MIPOL1: variants seen among roughly 807,000 people sequenced by gnomAD.
MIPOL1 encodes the protein mirror-image polydactyly 1.
A neutral mutation model predicts 60.9 loss-of-function variants in MIPOL1; 57 were observed. The observed-to-expected ratio is 0.94, with a 90% confidence interval of 0.76 to 1.17. The LOEUF is 1.17. Ranked by LOEUF, MIPOL1 falls within the 50% of genes most tolerant of loss-of-function variation. MIPOL1 has a pLI of 0.00. For missense variants in MIPOL1, 551 were observed against 511.6 expected, an observed-to-expected ratio of 1.08 and a Z score of -0.74; for synonymous variants, 179 against 168.8, an observed-to-expected ratio of 1.06 and a Z score of -0.47.
chr14:37,280,517 G>A (rs989552835), intron 6 of MIPOL1, among the ~76,000 whole-genome samples: 3 of 152,172 alleles, frequency 2.0e-5, no homozygotes, highest in Non-Finnish European at 4.4e-5. Flanking sequence ...CCAATCTAAC[G>A]GGTGAGATGA....
intron 10 of MIPOL1, among the ~76,000 whole-genome samples, chr14:37,421,070 A>G (rs916715413): frequency 6.6e-6 from 1 of 152,164 alleles, no homozygotes; most frequent in Non-Finnish European, 1.5e-5. Flanking sequence ...TTCATAGTCA[A>G]CTAAGTGTGG....
At chr14:37,353,224 A>G (rs1204985670) in intron 9 of MIPOL1, among the ~76,000 whole-genome samples, 33 of 145,264 alleles carry the variant, frequency 2.3e-4, no homozygotes, top group African/African-American at 8.0e-4. Flanking sequence ...ATTTGTGTAT[A>G]TTGAACCAGC....
chr14:37,403,174 G>A (rs531359500), intron 10 of MIPOL1, among the ~76,000 whole-genome samples: 2 of 152,076 alleles, frequency 1.3e-5, no homozygotes, highest in African/African-American at 2.4e-5. Flanking sequence ...TGGCCTAATA[G>A]AGATTTTCAA....
At chr14:37,388,813 G>A (rs998476960) in intron 10 of MIPOL1, among the ~76,000 whole-genome samples, 13 of 151,966 alleles carry the variant, frequency 8.6e-5, no homozygotes, top group African/African-American at 3.1e-4. Flanking sequence ...GTGTGTAATA[G>A]TAGCTCATTT....
intron 12 of MIPOL1, among the ~76,000 whole-genome samples, chr14:37,516,315 C>A (rs990775778): frequency 6.6e-6 from 1 of 152,098 alleles, no homozygotes; most frequent in African/African-American, 2.4e-5. Flanking sequence ...TAAATGGCAT[C>A]TTTAACATAC....
chr14:37,348,506 A>G (rs1393874865), intron 9 of MIPOL1, among the ~76,000 whole-genome samples: 1 of 152,148 alleles, frequency 6.6e-6, no homozygotes, highest in East Asian at 1.9e-4. Flanking sequence ...TAAACACACT[A>G]GTATTAATAT....
At chr14:37,287,763 TTTTTTC>T (rs2084698401) in intron 7 of MIPOL1, among the ~76,000 whole-genome samples, 1 of 152,146 alleles carries the variant, frequency 6.6e-6, no homozygotes, top group Non-Finnish European at 1.5e-5. Context: ...GTCATCAAAT[TTTTTTC>T]TTTTTCTTTT....
chr14:37,485,243 T>C (rs1379518526), intron 11 of MIPOL1, among the ~76,000 whole-genome samples: 1 of 152,218 alleles, frequency 6.6e-6, no homozygotes, highest in East Asian at 1.9e-4. Flanking sequence ...TGATGGGCAT[T>C]TGGGTTGATT....
intron 11 of MIPOL1, among the ~76,000 whole-genome samples, chr14:37,445,175 C>T (rs1390680376): frequency 1.3e-5 from 2 of 152,032 alleles, no homozygotes; most frequent in African/African-American, 4.8e-5. Context: ...ATCTAGAAAA[C>T]CCCATTGTCT....
chr14:37,302,259 G>GTTTTT (rs1244984056), intron 7 of MIPOL1, among the ~76,000 whole-genome samples: 10 of 58,588 alleles, frequency 1.7e-4, no homozygotes, highest in African/African-American at 3.6e-4. Context: ...ATTTGGAACT[G>GTTTTT]TTGTTTTTTT....
chr14:37,299,093 T>C (rs932916234), intron 7 of MIPOL1, among the ~76,000 whole-genome samples: 1 of 152,100 alleles, frequency 6.6e-6, no homozygotes, highest in African/African-American at 2.4e-5. Flanking sequence ...GTGGCACATA[T>C]ACAGCATGGA....
chr14:37,222,695 A>G (rs1287239436), intron 1 of MIPOL1, among the ~76,000 whole-genome samples: 1 of 152,196 alleles, frequency 6.6e-6, no homozygotes, highest in Non-Finnish European at 1.5e-5. Context: ...GATTCTAATC[A>G]TGATCTCTTA....
chr14:37,253,081 T>G (rs1369783938), intron 3 of MIPOL1, among the ~76,000 whole-genome samples: 1 of 151,806 alleles, frequency 6.6e-6, no homozygotes, highest in Non-Finnish European at 1.5e-5. Context: ...TTTTAATAAT[T>G]GGCTTTCTAG....
intron 10 of MIPOL1, among the ~76,000 whole-genome samples, chr14:37,390,487 A>G (rs1173888920): frequency 6.6e-6 from 1 of 152,168 alleles, no homozygotes; most frequent in Non-Finnish European, 1.5e-5. Context: ...AGTTGATCCA[A>G]TATTGGCATT....
At chr14:37,398,193 T>G (rs1322551181) in intron 10 of MIPOL1, among the ~76,000 whole-genome samples, 1 of 152,140 alleles carries the variant, frequency 6.6e-6, no homozygotes, top group Non-Finnish European at 1.5e-5. Context: ...CTAAATTGAC[T>G]CAGCTCCAGG....
At chr14:37,324,545 T>C (rs1181073558) in intron 9 of MIPOL1, among the ~76,000 whole-genome samples, 1 of 152,098 alleles carries the variant, frequency 6.6e-6, no homozygotes, top group Non-Finnish European at 1.5e-5. Flanking sequence ...TAATACCATC[T>C]TTTGATGGGA....
At chr14:37,420,476 T>C (rs2093852140) in intron 10 of MIPOL1, among the ~76,000 whole-genome samples, 1 of 152,190 alleles carries the variant, frequency 6.6e-6, no homozygotes, top group Non-Finnish European at 1.5e-5. Context: ...ATTTCCTTGA[T>C]ATTTTTGATA....
chr14:37,292,159 T>A (rs1162279149), intron 7 of MIPOL1, among the ~76,000 whole-genome samples: 4 of 152,000 alleles, frequency 2.6e-5, no homozygotes, highest in African/African-American at 9.7e-5. Context: ...TCTCTGGACC[T>A]CATGATCCGC....
intron 10 of MIPOL1, chr14:37,399,868 C>T (rs2093449126): frequency 6.6e-6 from 1 of 152,082 alleles, no homozygotes; most frequent in Admixed American, 6.6e-5. Context: ...TGTACATTTT[C>T]CCCCAAACCT....
Sources: gnomAD v4.1 joint callset for allele counts (sites outside exome capture counted in the v4.1 genomes callset) on GRCh38, gnomAD v4.1.1 for gene constraint, MANE v1.5 for transcripts, NCBI Gene and HGNC (gene_info 2026-07-23, HGNC 2026-07-21) for gene names.